FGFR4: variants seen among roughly 807,000 people sequenced by gnomAD.
FGFR4 encodes the protein hydroxyaryl-protein kinase.
A neutral mutation model predicts 89.9 loss-of-function variants in FGFR4; 63 were observed. That is an observed-to-expected ratio of 0.70 (90% CI 0.57 to 0.86). The LOEUF (loss-of-function observed/expected upper bound fraction) is 0.86, where lower values mean the gene tolerates loss of function less well. Among genes scored for constraint, FGFR4 ranks in the 40% least tolerant of loss-of-function variants. The pLI, the probability that FGFR4 is intolerant of heterozygous loss-of-function variation, is 0.00. For synonymous variants in FGFR4, 486 were observed against 479.4 expected (o/e 1.01, Z -0.18); for missense variants, 928 against 1,106.7 (o/e 0.84, Z 2.29).
chr5:177,095,281 C>A lies in FGFR4; in HGVS notation c.1520-49C>A. The A allele has an allele frequency of 1.3e-6, 2 of 1,486,942 alleles. No homozygotes were observed. Among genetic ancestry groups the A allele is most frequent in the Non-Finnish European group, 1.9e-6 (2 of 1,064,692 alleles). The allele number at this position is 1,486,942 out of a possible 1,614,324, so 92.1% of individuals were successfully genotyped here. A position where few individuals can be genotyped will look rare whatever the true frequency, so the allele number is the denominator to read the frequency against. ...TCCTGCACCTGCCTCTGCATGCTCC[C>A]TCGTGCAGTTGGAGGGCAGCCTCTT... is the stretch of plus-strand genomic sequence containing the variant. On this transcript the variant is annotated intron_variant, in intron 11 of 17. Coordinates refer to ENST00000292408, the MANE Select transcript of FGFR4 (RefSeq NM_213647.3). This position sits in a 1 kb window ranked among gnomAD's most constrained non-coding sequence, Gnocchi z 5.7.
rs1034279132 is a variant in FGFR4, at chr5:177,095,845, A to G, written c.1821+122A>G. 7.9e-7 allele frequency: 1 copy of G among 1,268,252 alleles called. No homozygotes were observed. Among genetic ancestry groups the G allele is most frequent in the African/African-American group, 1.5e-5 (1 of 66,556 alleles). 78.6% of individuals were successfully genotyped at this position (1,268,252 alleles called of 1,614,324 possible). A position where few individuals can be genotyped will look rare whatever the true frequency, so the allele number is the denominator to read the frequency against. On this transcript the variant is annotated intron_variant, in intron 13 of 17. Coordinates refer to ENST00000292408, the MANE Select transcript of FGFR4 (RefSeq NM_213647.3). This position sits in a 1 kb window ranked among gnomAD's most constrained non-coding sequence, Gnocchi z 5.7. ...TTCATGACCCCACCTCAGTGTCCCC[A>G]GGCATTCACGCTTTCCTGCATTCCC...
chr5:177,091,181 C>A, intron 5 of FGFR4, 77 bp downstream of exon 5: 1 of 1,453,650 alleles, frequency 6.9e-7, no homozygotes. Flanking sequence ...TACAAGCATA[C>A]CTATAAATCA....
In FGFR4 at chr5:177,095,663, A is replaced by G. The variant is rs555421531; in HGVS notation, c.1761A>G (p.Pro587=). Residue 587 remains proline (P), a synonymous_variant, in exon 13 of 18, where the codon CCA becomes CCG. Coordinates refer to ENST00000292408, the MANE Select transcript of FGFR4 (RefSeq NM_213647.3). The surrounding 1 kb of genome is among the most constrained non-coding windows in gnomAD (Gnocchi z 5.7). ...GCAGTGAGGGGCCGCTCTCCTTCCC[A>G]GTCCTGGTCTCCTGCGCCTACCAGG... The part of the protein sequence containing the change: ...PRSSEGPLSF[P]VLVSCAYQVA... 1.2e-6 allele frequency: 2 copies of G among 1,609,066 alleles called. No homozygotes were observed. The highest frequency in any genetic ancestry group is 1.7e-6 in the Non-Finnish European group (2 of 1,178,886).
rs566495475 is a variant in FGFR4 at position 177,091,048 on chromosome 5, C to T, written c.547C>T (p.Arg183Cys). The change falls in exon 5 of 18, where the codon CGC (arginine) becomes TGC (cysteine). Residue 183 changes from arginine (R) to cysteine (C), a missense_variant. This residue lies in a region of FGFR4 where 741 missense variants were observed against 836.9 expected (regional missense o/e 0.89). Coordinates refer to ENST00000292408, the MANE Select transcript of FGFR4 (RefSeq NM_213647.3). ...PAAGNPTPTI[R>C]WLKDGQAFHG... ...TGCAGGCAACCCCACGCCCACCATC[C>T]GCTGGCTTAAGGATGGACAGGCCTT... 15 of 1,607,622 alleles carry T rather than the reference C, an allele frequency of 9.3e-6. No homozygotes were observed. In the Admixed American group the frequency reaches 1.2e-4, roughly 13 times the overall value.
Position 177,093,276 on chromosome 5 carries a change from A to ACC in FGFR4, c.1200_1201dup (p.Arg401ProfsTer51). On this transcript the variant is annotated frameshift_variant, in exon 9 of 18. Transcript: ENST00000292408. LOFTEE classifies it high-confidence loss of function. The surrounding 1 kb of genome is among the most constrained non-coding windows in gnomAD (Gnocchi z 5.8). ...CGAGGGCAGGCGCTCCACGGCCGGCACCCCCGCCCGCCCGCCACTGTGCAG... is the reference window on the plus strand; with the variant it reads ...CGAGGGCAGGCGCTCCACGGCCGGCACCCCCCCGCCCGCCCGCCACTGTGCAG... 3.1e-6 allele frequency: 5 copies of ACC among 1,607,978 alleles called. No individual in the cohort carries two copies. Among genetic ancestry groups the ACC allele is most frequent in the Non-Finnish European group, 4.2e-6 (5 of 1,178,056 alleles).
In FGFR4 at chr5:177,090,959, A is replaced by C. The variant is rs777012486; in HGVS notation, c.458A>C (p.Gln153Pro). The change falls in exon 5 of 18, where the codon CAG (glutamine) becomes CCG (proline). Residue 153 changes from glutamine to proline, a missense_variant. Around this residue, in one of 5 missense-constraint regions of FGFR4, gnomAD observed 741 missense variants for 836.9 expected, o/e 0.89. Transcript: ENST00000292408. ...CCAGCACCCTACTGGACACACCCCC[A>C]GCGCATGGAGAAGAAACTGCATGCA... ...PQQAPYWTHP[Q>P]RMEKKLHAVP... The C allele has an allele frequency of 6.2e-7, 1 of 1,614,100 alleles. No individual in the cohort carries two copies. Among genetic ancestry groups the C allele is most frequent in the East Asian group, 2.2e-5 (1 of 44,884 alleles).
intron 5 of FGFR4, 72 bp downstream of exon 5, chr5:177,091,176 G>C: frequency 6.8e-7 from 1 of 1,466,684 alleles, no homozygotes; most frequent in South Asian, 1.4e-5. Context: ...ATACCTACAA[G>C]CATACCTATA....
chr5:177,096,185 G>A lies in FGFR4; in HGVS notation c.1944+6G>A, dbSNP rs45523032. On this transcript the variant is annotated splice_donor_region_variant and intron_variant, in intron 14 of 17. Coordinates refer to ENST00000292408, the MANE Select transcript of FGFR4 (RefSeq NM_213647.3). The stretch of plus-strand genomic sequence containing the variant: ...ACTATAAGAAAACCAGCAACGTGAG[G>A]GAGATGGGGCAGAACTGGATGGGGG... 2.5e-3 allele frequency: 3,962 copies of A among 1,613,930 alleles called. 84 individuals are homozygous for A. In the African/African-American group the frequency reaches 0.042, roughly 17 times the overall value.
Position 177,091,045 on chromosome 5 carries a change from A to C in FGFR4, c.544A>C (p.Ile182Leu). The C allele has an allele frequency of 6.2e-7, 1 of 1,608,258 alleles. No individual in the cohort carries two copies. Among genetic ancestry groups the C allele is most frequent in the Non-Finnish European group, 8.5e-7 (1 of 1,175,184 alleles). Residue 182 changes from isoleucine (I) to leucine (L), a missense_variant, in exon 5 of 18, where the codon ATC becomes CTC. Ile to Leu is a conservative substitution (Grantham distance 5, BLOSUM62 2). This residue lies in a region of FGFR4 where 741 missense variants were observed against 836.9 expected (regional missense o/e 0.89). Coordinates refer to ENST00000292408, the MANE Select transcript of FGFR4 (RefSeq NM_213647.3). The part of the protein sequence containing the change: ...CPAAGNPTPT[I>L]RWLKDGQAFH... ...AGCTGCAGGCAACCCCACGCCCACC[A>C]TCCGCTGGCTTAAGGATGGACAGGC...
Position 177,093,581 on chromosome 5 carries a change from C to T in FGFR4, c.1397+30C>T, listed in dbSNP as rs376930487. On this transcript the variant is annotated intron_variant, in intron 10 of 17. Transcript: ENST00000292408. This position sits in a 1 kb window ranked among gnomAD's most constrained non-coding sequence, Gnocchi z 5.8. ...GCTGAGCTGTGTGGGGGCAGGGACG[C>T]GGGCGCCGGGTTGCAGCCCGCCCTC... 18 of 1,612,040 alleles carry T rather than the reference C, an allele frequency of 1.1e-5. No homozygotes were observed. The highest frequency in any genetic ancestry group is 6.7e-5 in the African/African-American group (5 of 74,902).
chr5:177,091,936 C>A, intron 6 of FGFR4, 128 bp downstream of exon 6: 1 of 1,242,802 alleles, frequency 8.0e-7, no homozygotes, highest in Non-Finnish European at 1.1e-6. Context: ...GCAGGTGGGT[C>A]AGGGGAAAGC....
At chr5:177,096,392 A>G (rs1481603871) in intron 15 of FGFR4, 35 bp downstream of exon 15, 1 of 1,611,570 alleles carries the variant, frequency 6.2e-7, no homozygotes, top group Non-Finnish European at 8.5e-7. Context: ...CCTACCCCAC[A>G]AAAAGGGCAA....
chr5:177,090,059 T>G, intron 2 of FGFR4: 2 of 664,200 alleles, frequency 3.0e-6, no homozygotes, highest in Non-Finnish European at 5.5e-6. Context: ...TATGCCCCGG[T>G]GCAGCATGAC....
At position 177,097,801 on chromosome 5, in the gene FGFR4, C is replaced by A; in HGVS notation, c.*125C>A. The stretch of plus-strand genomic sequence containing the variant: ...CTGGCCCAGAGTTGCTGTGCCGTGT[C>A]CAAGGGCCGTGCCCTTGCCCTTGGA... On this transcript the variant is annotated 3_prime_UTR_variant, in exon 18 of 18. Transcript: ENST00000292408. 8.0e-7 allele frequency: 1 copy of A among 1,252,736 alleles called. No homozygotes were observed. Among genetic ancestry groups the A allele is most frequent in the Non-Finnish European group, 1.1e-6 (1 of 922,828 alleles). The allele number at this position is 1,252,736 out of a possible 1,614,324, so 77.6% of individuals were successfully genotyped here. A position where few individuals can be genotyped will look rare whatever the true frequency, so the allele number is the denominator to read the frequency against.
chr5:177,086,977 C>T lies in FGFR4; in HGVS notation c.-154C>T, dbSNP rs922686291. 79 of 152,646 alleles carry T rather than the reference C, an allele frequency of 5.2e-4. No individual in the cohort carries two copies. The highest frequency in any genetic ancestry group is 1.2e-3 in the Admixed American group (19 of 15,298). 9.5% of individuals were successfully genotyped at this position (152,646 alleles called of 1,614,324 possible). On this transcript the variant is annotated 5_prime_UTR_variant, in exon 1 of 18. Coordinates refer to ENST00000292408, the MANE Select transcript of FGFR4 (RefSeq NM_213647.3). ...TGCGGACCCTGCCGCGTGCAGGGGT[C>T]GCGGCCGGCTGGAGCTGGGAGTGAG...
In FGFR4 at chr5:177,095,495, T is replaced by G; in HGVS notation, c.1631-38T>G. 1 of 1,613,264 alleles carries G rather than the reference T, an allele frequency of 6.2e-7. No homozygotes were observed. Among genetic ancestry groups the G allele is most frequent in the Non-Finnish European group, 8.5e-7 (1 of 1,179,658 alleles). On this transcript the variant is annotated intron_variant, in intron 12 of 17. Transcript: ENST00000292408. This position sits in a 1 kb window ranked among gnomAD's most constrained non-coding sequence, Gnocchi z 5.7. ...GCCGTTAGGGTGCAGAGCCAAAGCTTTGGCAGCCTCTCCACGCTCCCTCCA... is the reference window on the plus strand; with the variant it reads ...GCCGTTAGGGTGCAGAGCCAAAGCTGTGGCAGCCTCTCCACGCTCCCTCCA...
chr5:177,097,796 C>A lies in FGFR4; in HGVS notation c.*120C>A. ...GGCCCCTGGCCCAGAGTTGCTGTGC[C>A]GTGTCCAAGGGCCGTGCCCTTGCCC... On this transcript the variant is annotated 3_prime_UTR_variant, in exon 18 of 18. Coordinates refer to ENST00000292408, the MANE Select transcript of FGFR4 (RefSeq NM_213647.3). The A allele has an allele frequency of 1.5e-6, 2 of 1,309,418 alleles. No individual in the cohort carries two copies. The highest frequency in any genetic ancestry group is 1.5e-5 in the African/African-American group (1 of 67,632). 81.1% of individuals were successfully genotyped at this position (1,309,418 alleles called of 1,614,324 possible).
At position 177,097,861 on chromosome 5, in the gene FGFR4, A is replaced by G. The variant is rs1231023447; in HGVS notation, c.*185A>G. ...CCTGTGTCCTGATGGCCCAAATGTCAGGGTTCTGCTCGGCTTCTTGGACCT... is the reference window on the plus strand; with the variant it reads ...CCTGTGTCCTGATGGCCCAAATGTCGGGGTTCTGCTCGGCTTCTTGGACCT... On this transcript the variant is annotated 3_prime_UTR_variant, in exon 18 of 18. Transcript: ENST00000292408. The G allele has an allele frequency of 7.7e-6, 5 of 650,678 alleles. No individual in the cohort carries two copies. The highest frequency in any genetic ancestry group is 1.2e-5 in the Non-Finnish European group (5 of 414,008). The allele number at this position is 650,678 out of a possible 1,614,324, so 40.3% of individuals were successfully genotyped here. A position where few individuals can be genotyped will look rare whatever the true frequency, so the allele number is the denominator to read the frequency against.
intron 2 of FGFR4, 136 bp downstream of exon 2, chr5:177,089,829 C>A: frequency 9.1e-7 from 1 of 1,093,688 alleles, no homozygotes; most frequent in Non-Finnish European, 1.4e-6. Context: ...GGCTCAACCA[C>A]TGAGACTCAG....
Sources: allele counts gnomAD v4.1 joint callset, GRCh38; gene constraint gnomAD v4.1.1; regional missense constraint gnomAD v4.1.1; non-coding constraint Gnocchi (gnomAD v3.1); transcripts MANE v1.5; gene names NCBI Gene and HGNC (gene_info 2026-07-23, HGNC 2026-07-21).